Variants in CCDC73 observed in about 807,000 individuals in gnomAD.
The protein encoded by CCDC73 is coiled-coil domain containing 73, also known as coiled-coil domain-containing protein 73.
In CCDC73, 95 loss-of-function variants were observed where a neutral mutation model predicts 116.5. The observed-to-expected ratio is 0.82, with a 90% CI of 0.69 to 0.97. The LOEUF (loss-of-function observed/expected upper bound fraction) is 0.97, where lower values mean the gene tolerates loss of function less well. Among genes scored for constraint, CCDC73 ranks in the 50% least tolerant of loss-of-function variants. The pLI, the probability that CCDC73 is intolerant of heterozygous loss-of-function variation, is 0.00. For missense variants in CCDC73, 1,066 were observed against 1,206.8 expected (o/e 0.88, Z 1.73); for synonymous variants, 398 against 401.3 (o/e 0.99, Z 0.10).
At chr11:32,653,878 TG>T in intron 11 of CCDC73, 99 bp downstream of exon 11, 2 of 1,291,736 alleles carry the variant, frequency 1.5e-6, no homozygotes, top group Non-Finnish European at 2.1e-6. Flanking sequence ...ACACATTAAC[TG>T]AGTGCCTACT....
chr11:32,821,308 A>C, the CCDC73 span, among the ~76,000 whole-genome samples: 2 of 152,314 alleles, frequency 1.3e-5, no homozygotes, highest in South Asian at 4.1e-4. Flanking sequence ...ATACAAAGAA[A>C]ATATTCGCAA....
At chr11:32,765,238 T>C (rs1164248543) in intron 1 of CCDC73, among the ~76,000 whole-genome samples, 2 of 152,172 alleles carry the variant, frequency 1.3e-5, no homozygotes, top group Non-Finnish European at 2.9e-5. Context: ...TATCCAGGAA[T>C]TGAACTCAGC....
At chr11:32,739,414 C>A (rs1422688560) in intron 2 of CCDC73, among the ~76,000 whole-genome samples, 3 of 152,116 alleles carry the variant, frequency 2.0e-5, no homozygotes, top group African/African-American at 4.8e-5. Context: ...GCATTCAATT[C>A]TTTGATTAAG....
At chr11:32,758,774 T>C (rs1324336389) in intron 2 of CCDC73, among the ~76,000 whole-genome samples, 6 of 152,124 alleles carry the variant, frequency 3.9e-5, no homozygotes, top group South Asian at 2.1e-4. Context: ...AACAGAATAC[T>C]AAGTTTTAAA....
At chr11:32,741,635 G>T (rs1408385242) in intron 2 of CCDC73, among the ~76,000 whole-genome samples, 2 of 150,578 alleles carry the variant, frequency 1.3e-5, no homozygotes, top group East Asian at 3.9e-4. Context: ...AATCTATTCA[G>T]CCACGCTACA....
At chr11:32,709,777 G>A (rs1039708481) in intron 3 of CCDC73, among the ~76,000 whole-genome samples, 2 of 152,184 alleles carry the variant, frequency 1.3e-5, no homozygotes, top group African/African-American at 4.8e-5. Flanking sequence ...GTGTCAGCAG[G>A]ATTGGTACCA....
intron 1 of CCDC73, among the ~76,000 whole-genome samples, chr11:32,762,602 G>T (rs1850401683): frequency 6.6e-6 from 1 of 152,130 alleles, no homozygotes; most frequent in Admixed American, 6.5e-5. Flanking sequence ...TAAAGGAAAA[G>T]AAAAGGGAGG....
chr11:32,776,218 T>A (rs953844232), intron 1 of CCDC73, among the ~76,000 whole-genome samples: 4 of 152,184 alleles, frequency 2.6e-5, no homozygotes, highest in African/African-American at 9.6e-5. Context: ...CAGACCCTCA[T>A]TACCTCAGAC....
At chr11:32,756,852 A>G (rs1850348296) in intron 2 of CCDC73, among the ~76,000 whole-genome samples, 1 of 152,132 alleles carries the variant, frequency 6.6e-6, no homozygotes, top group Non-Finnish European at 1.5e-5. Context: ...AGAAACTATT[A>G]ATGAGAAGTA....
chr11:32,827,393 G>A, the CCDC73 span, among the ~76,000 whole-genome samples: 2 of 152,132 alleles, frequency 1.3e-5, no homozygotes, highest in Non-Finnish European at 2.9e-5. Context: ...AAACACACAG[G>A]GATGTAATTC....
chr11:32,620,669 C>A (rs114002772), intron 14 of CCDC73, among the ~76,000 whole-genome samples: 3,571 of 146,468 alleles, frequency 0.024, 133 homozygotes, highest in African/African-American at 0.086. Context: ...ATATTTCATT[C>A]ATTAAAACCA....
At chr11:32,713,179 GA>G (rs555813645) in intron 3 of CCDC73, among the ~76,000 whole-genome samples, 93 of 152,080 alleles carry the variant, frequency 6.1e-4, no homozygotes, top group African/African-American at 2.1e-3. Flanking sequence ...AAGTGAAATG[GA>G]AAAAATATCA....
At chr11:32,809,512 G>C in the CCDC73 span, among the ~76,000 whole-genome samples, 30 of 152,320 alleles carry the variant, frequency 2.0e-4, no homozygotes, top group Non-Finnish European at 4.1e-4. Context: ...GTCAATCCCT[G>C]AGTTGGAGTT....
chr11:32,650,756 A>G (rs1248830325), intron 12 of CCDC73, among the ~76,000 whole-genome samples: 1 of 152,186 alleles, frequency 6.6e-6, no homozygotes, highest in Non-Finnish European at 1.5e-5. Context: ...TCGTTACATG[A>G]TAAGCCATAG....
chr11:32,660,148 A>G (rs1330883793), intron 9 of CCDC73, among the ~76,000 whole-genome samples: 1 of 151,826 alleles, frequency 6.6e-6, no homozygotes, highest in Non-Finnish European at 1.5e-5. Flanking sequence ...TATGCAAAAC[A>G]AAGTGAGGCA....
chr11:32,729,826 C>T (rs770859039), intron 2 of CCDC73, among the ~76,000 whole-genome samples: 1 of 152,172 alleles, frequency 6.6e-6, no homozygotes, highest in Non-Finnish European at 1.5e-5. Context: ...AATCTACCTA[C>T]CTCTCAGTAT....
chr11:32,809,205 G>A, the CCDC73 span, among the ~76,000 whole-genome samples: 14 of 152,230 alleles, frequency 9.2e-5, no homozygotes, highest in African/African-American at 3.4e-4. Context: ...CAGAAGTAAG[G>A]TTAAGGGAAC....
intron 1 of CCDC73, among the ~76,000 whole-genome samples, chr11:32,776,750 A>C (rs2133391635): frequency 6.6e-6 from 1 of 151,766 alleles, no homozygotes; most frequent in East Asian, 1.9e-4. Context: ...TGTTTCTGAA[A>C]GGCAAGAACT....
rs1849826560 is a variant in CCDC73, at chr11:32,702,945, CT to C, written c.208-2del. The C allele has an allele frequency of 6.2e-7, 1 of 1,608,018 alleles. No homozygotes were observed. Among genetic ancestry groups the C allele is most frequent in the African/African-American group, 1.3e-5 (1 of 74,900 alleles). On this transcript the variant is annotated splice_acceptor_variant, in intron 3 of 17. Coordinates refer to ENST00000335185, the MANE Select transcript of CCDC73 (RefSeq NM_001008391.4). LOFTEE classifies it high-confidence loss of function. The stretch of plus-strand genomic sequence containing the variant: ...TTTCCTTTTGATTCTGAAGAGTTTC[CT>C]GTTTTAAAAATTATGACAAGTTAAA...
Sources: gnomAD v4.1 joint callset for allele counts (sites outside exome capture counted in the v4.1 genomes callset) on GRCh38, gnomAD v4.1.1 for gene constraint, MANE v1.5 for transcripts, NCBI Gene and HGNC (gene_info 2026-07-23, HGNC 2026-07-21) for gene names.